The following RIIAD1 variants were observed in gnomAD, a reference collection of about 807,000 sequenced individuals.
RIIAD1 encodes RIIa domain-containing protein 1.
RIIAD1 carries 15 observed loss-of-function variants against 13.3 expected under a neutral mutation model. That is an observed-to-expected ratio of 1.13 (90% confidence interval 0.76 to 1.74). RIIAD1 has a LOEUF of 1.74. Ranked by LOEUF, RIIAD1 falls within the 40% of genes most tolerant of loss-of-function variation. The pLI is 0.00. For synonymous variants in RIIAD1, 50 were observed against 43.3 expected, an observed-to-expected ratio of 1.16 and a Z score of -0.61; for missense variants, 121 against 112.2, an observed-to-expected ratio of 1.08 and a Z score of -0.35.
At chr1:151,715,542 A>G (rs1230064256) in intron 4 of RIIAD1, 1 of 1,141,042 alleles carries the variant, frequency 8.8e-7, no homozygotes, top group Non-Finnish European at 1.2e-6. Flanking sequence ...ACACACCCCT[A>G]CCCAGCTGCT....
At chr1:151,723,262 C>CT (rs1673772037) in intron 2 of RIIAD1, among the ~76,000 whole-genome samples, 1 of 152,140 alleles carries the variant, frequency 6.6e-6, no homozygotes, top group East Asian at 1.9e-4. Context: ...GGCGTGGTGG[C>CT]ACATGCCTGT....
upstream of RIIAD1, among the ~76,000 whole-genome samples, chr1:151,720,935 G>A (rs1414549493): frequency 6.6e-6 from 1 of 152,104 alleles, no homozygotes; most frequent in Non-Finnish European, 1.5e-5. Context: ...AGGAGCCCAG[G>A]GTGAAGAGAA....
At chr1:151,720,980 G>A (rs1673724355), upstream of RIIAD1, among the ~76,000 whole-genome samples, 1 of 152,196 alleles carries the variant, frequency 6.6e-6, no homozygotes, top group Admixed American at 6.5e-5. Flanking sequence ...TCCAAGAGGG[G>A]GAAATTCTGG....
chr1:151,712,511 C>T (rs866462022), intron 2 of RIIAD1, among the ~76,000 whole-genome samples: 30 of 152,300 alleles, frequency 2.0e-4, no homozygotes, highest in Middle Eastern at 6.8e-3. Flanking sequence ...GGCCCATGTC[C>T]CCCAAGTGGG....
chr1:151,721,697 G>C (rs1487306770), intron 1 of RIIAD1, 77 bp downstream of exon 1: 7 of 814,422 alleles, frequency 8.6e-6, no homozygotes, highest in Non-Finnish European at 1.2e-5. Flanking sequence ...ACTGGGAAGA[G>C]AGCCGCCGAG....
At chr1:151,725,750 C>A (rs1673819178) in intron 2 of RIIAD1, among the ~76,000 whole-genome samples, 2 of 152,192 alleles carry the variant, frequency 1.3e-5, no homozygotes, top group Admixed American at 1.3e-4. Flanking sequence ...TCTTGTAGAT[C>A]CTCCATTCTC....
chr1:151,714,397 A>G, intron 3 of RIIAD1: 1 of 645,670 alleles, frequency 1.5e-6, no homozygotes, highest in Admixed American at 2.4e-5. Flanking sequence ...TACGCCACTA[A>G]TCGCTGCTTT....
intron 2 of RIIAD1, among the ~76,000 whole-genome samples, chr1:151,726,476 G>A (rs1673831140): frequency 6.6e-6 from 1 of 152,182 alleles, no homozygotes; most frequent in African/African-American, 2.4e-5. Context: ...ATTCTTGAAG[G>A]TTAGGAAGGA....
upstream of RIIAD1, among the ~76,000 whole-genome samples, chr1:151,717,128 G>A (rs1353934582): frequency 6.6e-6 from 1 of 152,164 alleles, no homozygotes; most frequent in African/African-American, 2.4e-5. Flanking sequence ...GGAAGACTCA[G>A]CAGATGGGGG....
Position 151,712,562 on chromosome 1 carries a change from C to T in RIIAD1, c.-186+565C>T, listed in dbSNP as rs114957724. On this transcript the variant is annotated intron_variant, in intron 2 of 8. Transcript: ENST00000326413. Reference sequence around the variant, plus strand: ...GAAGGGGGAAGAGCTGGACAGAGGGCAACCCCCACTCCACCACCTCCATGA... The same window carrying T: ...GAAGGGGGAAGAGCTGGACAGAGGGTAACCCCCACTCCACCACCTCCATGA... 9.4e-3 allele frequency among the ~76,000 whole-genome samples: 1,434 copies of T among 152,284 alleles called. 29 individuals carry two copies. Among genetic ancestry groups the T allele is most frequent in the African/African-American group, 0.032 (1,342 of 41,554 alleles).
At chr1:151,716,147 C>G in intron 4 of RIIAD1, 1 of 943,006 alleles carries the variant, frequency 1.1e-6, no homozygotes, top group Non-Finnish European at 1.5e-6. Flanking sequence ...CCTTTGGCCC[C>G]CAACCACGCT....
intron 3 of RIIAD1, 130 bp from the exon 4 acceptor site, chr1:151,728,636 G>C (rs1647232789): frequency 1.5e-6 from 1 of 667,186 alleles, no homozygotes; most frequent in African/African-American, 1.8e-5. Flanking sequence ...TTGTAAAGCA[G>C]GGCCACCAGT....
chr1:151,715,787 T>C, intron 4 of RIIAD1: 2 of 1,593,080 alleles, frequency 1.3e-6, no homozygotes, highest in Non-Finnish European at 1.7e-6. Context: ...CATCAGCCCT[T>C]CCCAGCCGCT....
intron 1 of RIIAD1, 149 bp downstream of exon 1, chr1:151,721,769 G>A (rs1558118465): frequency 8.0e-6 from 4 of 499,222 alleles, no homozygotes; most frequent in Non-Finnish European, 1.0e-5. Context: ...GACCCCCGGC[G>A]GACCTCTAGG....
upstream of RIIAD1, chr1:151,716,851 A>T (rs1439211343): frequency 9.2e-6 from 4 of 434,714 alleles, no homozygotes; most frequent in Non-Finnish European, 1.4e-5. Context: ...TTCCCCTGAC[A>T]TCAGTGATGT....
intron 4 of RIIAD1, chr1:151,716,099 A>C: frequency 6.9e-7 from 1 of 1,453,160 alleles, no homozygotes; most frequent in Non-Finnish European, 9.2e-7. Flanking sequence ...CAAGGAGATA[A>C]GTGGTGGGGC....
chr1:151,727,911 G>T (rs968410860), intron 3 of RIIAD1, among the ~76,000 whole-genome samples: 1 of 152,184 alleles, frequency 6.6e-6, no homozygotes, highest in African/African-American at 2.4e-5. Flanking sequence ...TTAAAGCAGG[G>T]TTCTCAACCC....
intron 4 of RIIAD1, among the ~76,000 whole-genome samples, chr1:151,729,287 G>A (rs910688385): frequency 2.0e-5 from 3 of 152,150 alleles, no homozygotes; most frequent in African/African-American, 7.2e-5. Flanking sequence ...AGGGGTGTGA[G>A]CAGTTTCCCT....
In RIIAD1 at chr1:151,728,895, T is replaced by G. The variant is rs557676466; in HGVS notation, c.*57+2T>G. 7 of 973,022 alleles carry G rather than the reference T, an allele frequency of 7.2e-6. No homozygotes were observed. In the Admixed American group the frequency reaches 8.0e-5, roughly 11 times the overall value. 60.3% of individuals were successfully genotyped at this position (973,022 alleles called of 1,614,324 possible). Reference sequence around the variant, plus strand: ...GACCAGACGGAATCCAGCCTCGGGGTGGGTGTTAACCTCACTTACAGACAG... The same window carrying G: ...GACCAGACGGAATCCAGCCTCGGGGGGGGTGTTAACCTCACTTACAGACAG... On this transcript the variant is annotated splice_donor_variant, in intron 4 of 4. Coordinates refer to ENST00000479191, the MANE Select transcript of RIIAD1 (RefSeq NM_001144956.3). LOFTEE classifies it low-confidence loss of function (3UTR_SPLICE).
Sources: allele counts gnomAD v4.1 joint callset (sites outside exome capture counted in the v4.1 genomes callset), GRCh38; gene constraint gnomAD v4.1.1; transcripts MANE v1.5; gene names NCBI Gene and HGNC (gene_info 2026-07-23, HGNC 2026-07-21).